Variants in HPSE2 observed in about 807,000 individuals in gnomAD.
HPSE2 encodes the protein heparanase 2 (inactive), also known as inactive heparanase-2.
A neutral mutation model predicts 60.5 loss-of-function variants in HPSE2; 38 were observed. The observed-to-expected ratio is 0.63, with a 90% CI of 0.48 to 0.82. HPSE2 has a LOEUF of 0.82. HPSE2 is among the 40% of genes least tolerant of loss of function. The probability of loss-of-function intolerance (pLI) is 0.00; values close to 1 mark genes in which losing one functional copy is unlikely to be tolerated. For missense variants in HPSE2, 713 were observed against 740.4 expected, an observed-to-expected ratio of 0.96 and a Z score of 0.43; for synonymous variants, 295 against 293.2, an observed-to-expected ratio of 1.01 and a Z score of -0.06.
chr10:98,504,243 T>A (rs1942121049), intron 9 of HPSE2, among the ~76,000 whole-genome samples: 1 of 152,214 alleles, frequency 6.6e-6, no homozygotes, highest in Non-Finnish European at 1.5e-5. Context: ...GTCTTCCACA[T>A]TGCTATACCT....
intron 5 of HPSE2, among the ~76,000 whole-genome samples, chr10:98,700,264 C>A (rs1948367028): frequency 6.8e-6 from 1 of 146,726 alleles, no homozygotes; most frequent in East Asian, 2.1e-4. Flanking sequence ...CTACAGTAAC[C>A]AAAACAGCAT....
chr10:98,582,019 G>A (rs997167062), intron 9 of HPSE2, among the ~76,000 whole-genome samples: 1 of 152,128 alleles, frequency 6.6e-6, no homozygotes, highest in South Asian at 2.1e-4. Context: ...GTTTGACATT[G>A]TGCAAGCTCT....
chr10:98,868,722 C>T (rs1157989184), intron 3 of HPSE2, among the ~76,000 whole-genome samples: 1 of 152,210 alleles, frequency 6.6e-6, no homozygotes, highest in East Asian at 1.9e-4. Flanking sequence ...CTAATATATA[C>T]ATTTAGCATG....
At chr10:99,312,407 C>G in the HPSE2 span, among the ~76,000 whole-genome samples, 1 of 152,190 alleles carries the variant, frequency 6.6e-6, no homozygotes, top group Non-Finnish European at 1.5e-5. Flanking sequence ...ACTCATTTAC[C>G]ATTCCAAAAA....
chr10:98,661,061 C>T (rs149535292), intron 6 of HPSE2, among the ~76,000 whole-genome samples: 78 of 152,310 alleles, frequency 5.1e-4, no homozygotes, highest in Admixed American at 1.9e-3. Flanking sequence ...CCTGACACAG[C>T]CTTCCTCCCA....
At chr10:98,960,708 TTTTTTTTTTTTTG>T (rs1446519381) in intron 3 of HPSE2, among the ~76,000 whole-genome samples, 17 of 54,716 alleles carry the variant, frequency 3.1e-4, no homozygotes, top group African/African-American at 1.6e-3. Flanking sequence ...TTTCTTTTTT[TTTTTTTTTTTTTG>T]TTTTATTTTT....
At chr10:99,184,817 TATAGAG>T (rs1344215651) in intron 2 of HPSE2, among the ~76,000 whole-genome samples, 168 of 17,146 alleles carry the variant, frequency 9.8e-3, no homozygotes, top group African/African-American at 0.021. Flanking sequence ...TATATATATA[TATAGAG>T]AGAGAGAGAG....
intron 9 of HPSE2, among the ~76,000 whole-genome samples, chr10:98,608,374 C>G (rs1945653855): frequency 6.6e-6 from 1 of 152,176 alleles, no homozygotes; most frequent in African/African-American, 2.4e-5. Flanking sequence ...TGAGCTGTTG[C>G]AACTGCTAGT....
At chr10:98,570,501 T>C (rs1291531957) in intron 9 of HPSE2, among the ~76,000 whole-genome samples, 2 of 151,968 alleles carry the variant, frequency 1.3e-5, no homozygotes, top group Non-Finnish European at 2.9e-5. Flanking sequence ...ATTAATTAAT[T>C]AGCTCTGAAT....
chr10:98,676,601 A>C (rs1947648080), intron 6 of HPSE2, among the ~76,000 whole-genome samples: 1 of 152,184 alleles, frequency 6.6e-6, no homozygotes, highest in Non-Finnish European at 1.5e-5. Flanking sequence ...AATCTGGAGA[A>C]AGAAAAGGAG....
At chr10:98,772,536 A>C (rs541065335) in intron 3 of HPSE2, among the ~76,000 whole-genome samples, 1 of 152,216 alleles carries the variant, frequency 6.6e-6, no homozygotes, top group Admixed American at 6.5e-5. Flanking sequence ...ACTAAGGAAA[A>C]GGAGAAAACA....
intron 3 of HPSE2, among the ~76,000 whole-genome samples, chr10:98,898,010 T>A (rs1304349353): frequency 1.3e-5 from 2 of 151,818 alleles, no homozygotes; most frequent in Non-Finnish European, 2.9e-5. Context: ...GAAAAAAACC[T>A]CAACCCAATT....
rs952242681 is a variant in HPSE2 at position 98,852,121 on chromosome 10, G to A, written c.611-108065C>T. On this transcript the variant is annotated intron_variant, in intron 3 of 11. Transcript: ENST00000370552. ...AAACCTTGTATATTATGATGTGTGT[G>A]TGTGTGTGTGTGTGTGTGTGTGTGT... Among the ~76,000 whole-genome samples, 35 of 128,448 alleles carry A rather than the reference G, an allele frequency of 2.7e-4. 1 individual carries two copies. Among genetic ancestry groups the A allele is most frequent in the African/African-American group, 7.2e-4 (23 of 31,798 alleles). 84.3% of individuals were successfully genotyped at this position (128,448 alleles called of 152,430 possible). A position where few individuals can be genotyped will look rare whatever the true frequency, so the allele number is the denominator to read the frequency against.
At chr10:99,103,104 G>T (rs565309588) in intron 3 of HPSE2, among the ~76,000 whole-genome samples, 52 of 152,176 alleles carry the variant, frequency 3.4e-4, no homozygotes, top group African/African-American at 1.2e-3. Context: ...ACCCCTCCTA[G>T]TCAACATAGT....
In HPSE2 at chr10:98,496,347, G is replaced by C. The variant is rs144884412; in HGVS notation, c.1321-6151C>G. ...TCCCCTACAGTCACTTCAGCCAGAG[G>C]GGGAGAGGCTTACATCAATGGAGAG... is the stretch of plus-strand genomic sequence containing the variant. On this transcript the variant is annotated intron_variant, in intron 9 of 11. Transcript: ENST00000370552. Among the ~76,000 whole-genome samples, 23 of 152,306 alleles carry C rather than the reference G, an allele frequency of 1.5e-4. No individual in the cohort carries two copies. In the East Asian group the frequency reaches 3.5e-3, roughly 23 times the overall value.
chr10:98,635,686 G>A (rs1456215919), intron 7 of HPSE2, among the ~76,000 whole-genome samples: 2 of 151,728 alleles, frequency 1.3e-5, no homozygotes, highest in East Asian at 3.9e-4. Context: ...GGAGGCTGAA[G>A]CAGGAGGAGC....
chr10:98,566,636 A>G (rs1176410097), intron 9 of HPSE2, among the ~76,000 whole-genome samples: 3 of 152,186 alleles, frequency 2.0e-5, no homozygotes, highest in African/African-American at 7.2e-5. Flanking sequence ...AGGCAGCACA[A>G]CATCAGGCCA....
intron 3 of HPSE2, among the ~76,000 whole-genome samples, chr10:98,977,839 T>C (rs1956119714): frequency 6.6e-6 from 1 of 151,668 alleles, no homozygotes; most frequent in Non-Finnish European, 1.5e-5. Context: ...ATGTATCTTA[T>C]ACAGATTATG....
chr10:98,666,412 T>C lies in HPSE2; in HGVS notation c.1005-24472A>G, dbSNP rs144903257. Among the ~76,000 whole-genome samples the C allele has an allele frequency of 2.2e-3, 340 of 152,220 alleles. 1 individual carries two copies. The highest frequency in any genetic ancestry group is 0.014 in the Middle Eastern group (4 of 294). On this transcript the variant is annotated intron_variant, in intron 6 of 11. Transcript: ENST00000370552. Reference sequence around the variant, plus strand: ...CTAACAAGGAAAGTCTAGACTTACATGCAATTCTTGACCAATTGGACCTAA... The same window carrying C: ...CTAACAAGGAAAGTCTAGACTTACACGCAATTCTTGACCAATTGGACCTAA...
Sources: allele counts gnomAD v4.1 joint callset (sites outside exome capture counted in the v4.1 genomes callset), GRCh38; gene constraint gnomAD v4.1.1; transcripts MANE v1.5; gene names NCBI Gene and HGNC (gene_info 2026-07-23, HGNC 2026-07-21).